TSPEAR: variants seen among roughly 807,000 people sequenced by gnomAD.
TSPEAR encodes thrombospondin type laminin G domain and EAR repeats.
A neutral mutation model predicts 71.6 loss-of-function variants in TSPEAR; 69 were observed. That is an observed-to-expected ratio of 0.96 (90% CI 0.79 to 1.18). The LOEUF is 1.18. Among genes scored for constraint, TSPEAR ranks in the 50% most tolerant of loss-of-function variants. The pLI, the probability that TSPEAR is intolerant of heterozygous loss-of-function variation, is 0.00. For missense variants in TSPEAR, 971 were observed against 894.9 expected (o/e 1.09, Z -1.09); for synonymous variants, 402 against 387.2 (o/e 1.04, Z -0.45).
At chr21:44,666,878 A>G (rs782396885) in intron 1 of TSPEAR, 6 of 1,613,362 alleles carry the variant, frequency 3.7e-6, no homozygotes, top group South Asian at 1.1e-5. Flanking sequence ...AGCAGCTGGT[A>G]TGACACATGG....
intron 2 of TSPEAR, among the ~76,000 whole-genome samples, chr21:44,566,301 T>C (rs1981658185): frequency 6.6e-6 from 1 of 152,180 alleles, no homozygotes; most frequent in Non-Finnish European, 1.5e-5. Context: ...AAAATAATTA[T>C]AAAACTTATA....
At chr21:44,518,518 G>C in intron 9 of TSPEAR, 1 of 400,342 alleles carries the variant, frequency 2.5e-6, no homozygotes, top group Non-Finnish European at 5.3e-6. Flanking sequence ...ACCTCACTTT[G>C]TGATTTAGAA....
chr21:44,503,612 G>A (rs1173975122), intron 11 of TSPEAR, among the ~76,000 whole-genome samples: 3 of 110,028 alleles, frequency 2.7e-5, no homozygotes, highest in Non-Finnish European at 3.7e-5. Flanking sequence ...GAAGCAAGGC[G>A]CTGGGAGGAG....
rs202201896 is a variant in TSPEAR at position 44,711,449 on chromosome 21, A to G, written c.66T>C (p.Gly22=). 2.5e-6 allele frequency: 4 copies of G among 1,608,250 alleles called. No homozygotes were observed. Among genetic ancestry groups the G allele is most frequent in the African/African-American group, 2.7e-5 (2 of 74,830 alleles). ...CTGCCTTACCTGTGCAGGGCTCCCAACCCTGCGTGCCGTGGCCGGGGGCCG... is the reference window on the plus strand; with the variant it reads ...CTGCCTTACCTGTGCAGGGCTCCCAGCCCTGCGTGCCGTGGCCGGGGGCCG... The part of the protein sequence containing the change: ...PLAAPGHGTQ[G]WEPCTDLRPL... Residue 22 remains glycine, a synonymous_variant, in exon 1 of 12, where the codon GGT becomes GGC. Transcript: ENST00000323084. The surrounding 1 kb of genome is among the most constrained non-coding windows in gnomAD (Gnocchi z 4.5).
chr21:44,534,417 GGT>G (rs1211922685), intron 2 of TSPEAR, among the ~76,000 whole-genome samples: 1 of 125,724 alleles, frequency 8.0e-6, no homozygotes, highest in African/African-American at 3.0e-5. Context: ...GGGCGGGGCT[GGT>G]GTGTGAGGGG....
chr21:44,639,740 A>G (rs1171349026), intron 1 of TSPEAR, among the ~76,000 whole-genome samples: 6 of 152,180 alleles, frequency 3.9e-5, no homozygotes, highest in African/African-American at 1.4e-4. Context: ...TGATGGCCAC[A>G]GGGTCAGAAC....
At chr21:44,532,998 T>A (rs2053004001) in intron 3 of TSPEAR, among the ~76,000 whole-genome samples, 1 of 152,222 alleles carries the variant, frequency 6.6e-6, no homozygotes, top group Admixed American at 6.5e-5. Flanking sequence ...TTCCCGCTGC[T>A]GCCTGTTGTG....
At chr21:44,601,589 T>C (rs1601472353) in intron 1 of TSPEAR, 1 of 1,612,756 alleles carries the variant, frequency 6.2e-7, no homozygotes, top group Non-Finnish European at 8.5e-7. Flanking sequence ...GCCTGCTGCG[T>C]GCCCGTCCCC....
chr21:44,656,412 A>G (rs1985150463), intron 1 of TSPEAR, among the ~76,000 whole-genome samples: 1 of 152,164 alleles, frequency 6.6e-6, no homozygotes, highest in African/African-American at 2.4e-5. Context: ...TTTTTACCTC[A>G]ACATGTTTTG....
At position 44,705,973 on chromosome 21, in the gene TSPEAR, C is replaced by T. The variant is rs982010613; in HGVS notation, c.82+5460G>A. On this transcript the variant is annotated intron_variant, in intron 1 of 11. Transcript: ENST00000323084. ...TCCTACCAACGTGTGATGTCTCCCC[C>T]GGACGCCCAGCTTTAAAATTTCTCT... is the stretch of plus-strand genomic sequence containing the variant. 1.2e-4 allele frequency among the ~76,000 whole-genome samples: 18 copies of T among 152,290 alleles called. No individual in the cohort carries two copies. The South Asian group carries it at 2.5e-3, about 21-fold the overall frequency.
chr21:44,619,835 A>G (rs1555933213), intron 1 of TSPEAR, among the ~76,000 whole-genome samples: 2 of 152,226 alleles, frequency 1.3e-5, no homozygotes, highest in Non-Finnish European at 2.9e-5. Context: ...GAAAATGAGG[A>G]GCAGATGAGA....
intron 1 of TSPEAR, among the ~76,000 whole-genome samples, chr21:44,641,600 A>T (rs1285341731): frequency 6.6e-6 from 1 of 152,230 alleles, no homozygotes; most frequent in Non-Finnish European, 1.5e-5. Context: ...CCATATGAGA[A>T]TAAAAGTTTT....
intron 2 of TSPEAR, among the ~76,000 whole-genome samples, chr21:44,542,589 A>G (rs1167716622): frequency 5.9e-5 from 9 of 152,008 alleles, no homozygotes; most frequent in African/African-American, 2.2e-4. Flanking sequence ...CTCTACAAAA[A>G]ATATGAAAAG....
At position 44,533,784 on chromosome 21, in the gene TSPEAR, C is replaced by G. The variant is rs868982192; in HGVS notation, c.443G>C (p.Arg148Pro). Residue 148 changes from arginine (R) to proline (P), a missense_variant, in exon 3 of 12, where the codon CGC (arginine) becomes CCC (proline). Physicochemically the swap from Arg to Pro is moderately radical, Grantham distance 103. Transcript: ENST00000323084. ...AGAWQTRVSF[R>P]SPALVDGRWH... ...GCGGCCATCCACCAGGGCCGGGCTG[C>G]GGAAGGACACTCGGGTCTGCCAGGC... is the stretch of plus-strand genomic sequence containing the variant. The G allele has an allele frequency of 6.2e-7, 1 of 1,612,448 alleles. No homozygotes were observed. Among genetic ancestry groups the G allele is most frequent in the Non-Finnish European group, 8.5e-7 (1 of 1,179,870 alleles).
chr21:44,592,751 G>A (rs1980076836), intron 1 of TSPEAR, among the ~76,000 whole-genome samples: 1 of 152,174 alleles, frequency 6.6e-6, no homozygotes, highest in African/African-American at 2.4e-5. Flanking sequence ...GCTGGGTTCG[G>A]GGAGCTGGGA....
At position 44,627,362 on chromosome 21, in the gene TSPEAR, C is replaced by G; in HGVS notation, c.83-59357G>C. 5 of 1,613,588 alleles carry G rather than the reference C, an allele frequency of 3.1e-6. No individual in the cohort carries two copies. In the South Asian group the frequency reaches 4.4e-5, roughly 14 times the overall value. On this transcript the variant is annotated intron_variant, in intron 1 of 11. Coordinates refer to ENST00000323084, the MANE Select transcript of TSPEAR (RefSeq NM_144991.3). ...CCCTGCTGCCAGGTGACCTGTGAGC[C>G]CAGCCCCTGCCAATCAGGCTGCACC...
chr21:44,681,995 G>A (rs782530433), intron 1 of TSPEAR: 27 of 1,610,140 alleles, frequency 1.7e-5, no homozygotes, highest in Middle Eastern at 3.3e-4. Flanking sequence ...GCACACACAC[G>A]GCTGGCTTGA....
chr21:44,700,966 G>A (rs1324485246), intron 1 of TSPEAR, among the ~76,000 whole-genome samples: 1 of 152,150 alleles, frequency 6.6e-6, no homozygotes, highest in Non-Finnish European at 1.5e-5. Context: ...GGTGGACAGA[G>A]GCAGAAACCA....
chr21:44,629,836 A>G (rs1285836634), intron 1 of TSPEAR, among the ~76,000 whole-genome samples: 4 of 152,094 alleles, frequency 2.6e-5, no homozygotes, highest in Admixed American at 1.3e-4. Flanking sequence ...TCATAAGGGG[A>G]ACTCTCACTG....
Sources: allele counts gnomAD v4.1 joint callset (sites outside exome capture counted in the v4.1 genomes callset), GRCh38; gene constraint gnomAD v4.1.1; non-coding constraint Gnocchi (gnomAD v3.1); transcripts MANE v1.5; gene names NCBI Gene and HGNC (gene_info 2026-07-23, HGNC 2026-07-21).